Variants in UNC13C observed in about 807,000 individuals in gnomAD.
UNC13C encodes the protein unc-13 homolog C.
UNC13C carries 174 observed loss-of-function variants against 245.4 expected under a neutral mutation model. The observed-to-expected ratio is 0.71, with a 90% CI of 0.63 to 0.80. The LOEUF is 0.80. Ranked by LOEUF, UNC13C falls within the 30% of genes least tolerant of loss-of-function variation. The pLI, the probability that UNC13C is intolerant of heterozygous loss-of-function variation, is 0.00. For missense variants in UNC13C, 2,829 were observed against 2,602.9 expected (o/e 1.09, Z -1.89); for synonymous variants, 992 against 895.1 (o/e 1.11, Z -1.93).
chr15:54,592,662 C>A (rs1178919682), intron 30 of UNC13C, among the ~76,000 whole-genome samples: 1 of 151,952 alleles, frequency 6.6e-6, no homozygotes, highest in Non-Finnish European at 1.5e-5. Flanking sequence ...CTTTTTCTAC[C>A]CCTTTAAGTT....
intron 19 of UNC13C, among the ~76,000 whole-genome samples, chr15:54,443,950 T>A (rs76089972): frequency 6.6e-6 from 1 of 152,052 alleles, no homozygotes; most frequent in Non-Finnish European, 1.5e-5. Flanking sequence ...AATTTCAAAG[T>A]GTATTTGTTA....
chr15:54,346,917 C>T (rs989580346), intron 17 of UNC13C, among the ~76,000 whole-genome samples: 2 of 151,980 alleles, frequency 1.3e-5, no homozygotes, highest in Admixed American at 6.6e-5. Flanking sequence ...AGAGAACAAA[C>T]GATAGTTTCT....
chr15:54,440,732 A>C (rs1596378595), intron 19 of UNC13C, among the ~76,000 whole-genome samples: 1 of 152,208 alleles, frequency 6.6e-6, no homozygotes, highest in African/African-American at 2.4e-5. Context: ...GGAAATCTCT[A>C]TACTGTTTTC....
chr15:53,886,174 C>A, the UNC13C span, among the ~76,000 whole-genome samples: 1 of 152,036 alleles, frequency 6.6e-6, no homozygotes, highest in Non-Finnish European at 1.5e-5. Flanking sequence ...CACCTTAGTA[C>A]CAACAAGCAT....
chr15:54,376,412 G>T (rs933172456), intron 17 of UNC13C, among the ~76,000 whole-genome samples: 3 of 152,020 alleles, frequency 2.0e-5, no homozygotes, highest in South Asian at 2.1e-4. Context: ...GCCAGAAAAA[G>T]CATATACGAG....
chr15:54,085,607 T>G (rs905646533), intron 2 of UNC13C, among the ~76,000 whole-genome samples: 1 of 148,322 alleles, frequency 6.7e-6, no homozygotes. Context: ...CCAATAAAAT[T>G]TTATTTATTT....
At chr15:54,010,639 G>A (rs1329547183) in intron 1 of UNC13C, among the ~76,000 whole-genome samples, 3 of 152,056 alleles carry the variant, frequency 2.0e-5, no homozygotes, top group Non-Finnish European at 2.9e-5. Flanking sequence ...CTAAAATAAC[G>A]TTTCAAGAAG....
chr15:54,050,832 A>G, intron 2 of UNC13C: 1 of 582,988 alleles, frequency 1.7e-6, no homozygotes, highest in Non-Finnish European at 3.4e-6. Context: ...CAGCTTACTA[A>G]TTCTTGATGC....
At chr15:54,041,913 A>G (rs547271172) in intron 2 of UNC13C, among the ~76,000 whole-genome samples, 8 of 152,250 alleles carry the variant, frequency 5.3e-5, no homozygotes, top group Admixed American at 3.9e-4. Context: ...GTCAGTGATG[A>G]AGAGGATTAG....
chr15:54,515,370 C>T (rs1000367746), intron 24 of UNC13C, among the ~76,000 whole-genome samples: 5 of 152,022 alleles, frequency 3.3e-5, no homozygotes, highest in Non-Finnish European at 5.9e-5. Context: ...TGAGTGATTA[C>T]GTTAGGTTAC....
the UNC13C span, among the ~76,000 whole-genome samples, chr15:53,927,554 T>C: frequency 1.3e-5 from 2 of 152,096 alleles, no homozygotes; most frequent in East Asian, 3.9e-4. Flanking sequence ...AAGACACTTA[T>C]TAGAGTAAGA....
At chr15:54,050,164 G>T (rs1595769620) in intron 2 of UNC13C, 3 of 447,644 alleles carry the variant, frequency 6.7e-6, no homozygotes, top group Non-Finnish European at 8.9e-6. Context: ...AGAGACAGGG[G>T]TTTCACCATG....
At chr15:53,846,710 C>A in the UNC13C span, among the ~76,000 whole-genome samples, 1 of 152,070 alleles carries the variant, frequency 6.6e-6, no homozygotes, top group Admixed American at 6.6e-5. Flanking sequence ...CCAGATTGTA[C>A]TATATAGAAG....
chr15:54,082,911 A>G (rs1899031133), intron 2 of UNC13C, among the ~76,000 whole-genome samples: 1 of 152,074 alleles, frequency 6.6e-6, no homozygotes, highest in Non-Finnish European at 1.5e-5. Flanking sequence ...TTGTAGGGAT[A>G]TATTGGACAT....
chr15:54,456,209 A>T (rs1891514889), intron 19 of UNC13C, among the ~76,000 whole-genome samples: 1 of 152,238 alleles, frequency 6.6e-6, no homozygotes, highest in Non-Finnish European at 1.5e-5. Flanking sequence ...ATTGGCCTAC[A>T]TGCCTGTTTT....
upstream of UNC13C, among the ~76,000 whole-genome samples, chr15:53,976,184 C>A (rs1355416393): frequency 6.6e-6 from 1 of 152,120 alleles, no homozygotes; most frequent in Non-Finnish European, 1.5e-5. Flanking sequence ...AGCCAGAGTC[C>A]CTCACATACA....
At chr15:54,108,064 A>G (rs1900538693) in intron 2 of UNC13C, among the ~76,000 whole-genome samples, 1 of 152,198 alleles carries the variant, frequency 6.6e-6, no homozygotes, top group Admixed American at 6.5e-5. Flanking sequence ...CTAACAATAT[A>G]CAAGGATTAT....
intron 14 of UNC13C, among the ~76,000 whole-genome samples, chr15:54,325,955 G>A (rs1462393208): frequency 1.3e-5 from 2 of 151,946 alleles, no homozygotes; most frequent in African/African-American, 4.8e-5. Context: ...GTTAGGAAAG[G>A]AGTTAGTTGC....
At chr15:54,204,918 TAA>T (rs564223990) in intron 4 of UNC13C, among the ~76,000 whole-genome samples, 7 of 152,018 alleles carry the variant, frequency 4.6e-5, no homozygotes, top group Non-Finnish European at 8.8e-5. Context: ...TCATTACATA[TAA>T]GTCATTTAAT....
Sources: allele counts gnomAD v4.1 joint callset (sites outside exome capture counted in the v4.1 genomes callset), GRCh38; gene constraint gnomAD v4.1.1; transcripts MANE v1.5; gene names NCBI Gene and HGNC (gene_info 2026-07-23, HGNC 2026-07-21).